Variants in GPC3 observed in about 807,000 individuals in gnomAD.
GPC3 encodes the protein glypican-3.
A neutral mutation model predicts 34.4 loss-of-function variants in GPC3; 3 were observed. The ratio of observed to expected loss-of-function variants is 0.09; its 90% CI spans 0.04 to 0.23. The LOEUF is 0.23. Among genes scored for constraint, GPC3 ranks in the 10% least tolerant of loss-of-function variants. The pLI is 1.00. For missense variants in GPC3, 351 were observed against 445.6 expected, an observed-to-expected ratio of 0.79 and a Z score of 1.91; for synonymous variants, 177 against 174.0, an observed-to-expected ratio of 1.02 and a Z score of -0.13.
chrX:133,934,267 C>G (rs995361755), intron 2 of GPC3, among the ~76,000 whole-genome samples: 3 of 108,914 alleles, frequency 2.8e-5, no homozygotes, highest in African/African-American at 1.0e-4. Context: ...GCAATCTTGG[C>G]TCACTGCAAC....
chrX:133,850,292 C>A (rs1221425915), intron 2 of GPC3, among the ~76,000 whole-genome samples: 2 of 106,201 alleles, frequency 1.9e-5, no homozygotes, highest in African/African-American at 3.5e-5. Flanking sequence ...TCAAACCCAG[C>A]AAATTCACAG....
chrX:133,620,219 C>CA (rs34399470), intron 6 of GPC3, among the ~76,000 whole-genome samples: 699 of 41,718 alleles, frequency 0.017, 9 homozygotes, highest in Non-Finnish European at 0.02. Context: ...GACTCTGTCT[C>CA]AAAAAAAAAA....
chrX:133,682,564 C>T (rs1282652161), intron 5 of GPC3, among the ~76,000 whole-genome samples: 1 of 111,988 alleles, frequency 8.9e-6, no homozygotes, highest in African/African-American at 3.2e-5. Context: ...ATCTTCACAA[C>T]AGCCCTGCAG....
intron 7 of GPC3, among the ~76,000 whole-genome samples, chrX:133,587,207 A>G (rs867829422): frequency 2.7e-5 from 3 of 112,069 alleles, no homozygotes; most frequent in Non-Finnish European, 5.6e-5. Context: ...GCTTATTTCA[A>G]TTAACACAAT....
At chrX:133,627,365 A>C (rs2070315894) in intron 6 of GPC3, among the ~76,000 whole-genome samples, 1 of 111,801 alleles carries the variant, frequency 8.9e-6, no homozygotes, top group South Asian at 3.8e-4. Context: ...TTAGGTTCAA[A>C]AGTCAAAAGT....
chrX:133,632,116 T>C (rs1422453970), intron 6 of GPC3, among the ~76,000 whole-genome samples: 1 of 110,100 alleles, frequency 9.1e-6, no homozygotes, highest in African/African-American at 3.4e-5. Context: ...AAAAATTTTT[T>C]TGAGACAGTG....
chrX:133,575,696 T>C (rs1399584317), intron 7 of GPC3, among the ~76,000 whole-genome samples: 1 of 111,578 alleles, frequency 9.0e-6, no homozygotes, highest in Non-Finnish European at 1.9e-5. Flanking sequence ...CAAATGATAG[T>C]CTAGGATATA....
intron 7 of GPC3, among the ~76,000 whole-genome samples, chrX:133,556,835 T>C (rs1270214104): frequency 9.6e-6 from 1 of 104,388 alleles, no homozygotes; most frequent in Non-Finnish European, 2.0e-5. Flanking sequence ...GACGAGTTAA[T>C]GGGTGCAGCA....
At chrX:133,800,929 A>C (rs915598281) in intron 2 of GPC3, among the ~76,000 whole-genome samples, 9 of 111,991 alleles carry the variant, frequency 8.0e-5, no homozygotes, top group African/African-American at 2.9e-4. Flanking sequence ...TCTTTTGTTC[A>C]AGCACATCTA....
intron 6 of GPC3, among the ~76,000 whole-genome samples, chrX:133,617,962 G>C (rs7052524): frequency 0.063 from 6,990 of 111,215 alleles, 573 homozygotes; most frequent in African/African-American, 0.22. Flanking sequence ...TGTGTGAACC[G>C]AAACATTTTG....
intron 2 of GPC3, among the ~76,000 whole-genome samples, chrX:133,797,829 CA>C (rs367816709): frequency 5.8e-5 from 6 of 103,548 alleles, no homozygotes; most frequent in South Asian, 4.2e-4. Context: ...GACTCTGCCT[CA>C]AAAAAAAAAT....
intron 2 of GPC3, among the ~76,000 whole-genome samples, chrX:133,951,979 TTCTA>T (rs2076394872): frequency 9.0e-6 from 1 of 111,508 alleles, no homozygotes; most frequent in Non-Finnish European, 1.9e-5. Context: ...AGTGTTATTT[TTCTA>T]TCTGACCTCG....
At chrX:133,750,836 G>A (rs1235560701) in intron 3 of GPC3, among the ~76,000 whole-genome samples, 1 of 110,220 alleles carries the variant, frequency 9.1e-6, no homozygotes, top group African/African-American at 3.3e-5. Flanking sequence ...CACTTTGGGC[G>A]GCCTAGGTGG....
intron 2 of GPC3, among the ~76,000 whole-genome samples, chrX:133,892,451 G>C (rs185839899): frequency 0.011 from 1,251 of 111,266 alleles, 23 homozygotes; most frequent in African/African-American, 0.039. Context: ...GCAAGTTACA[G>C]CCACAAGTCA....
chrX:133,774,985 A>G (rs1439631694), intron 2 of GPC3, among the ~76,000 whole-genome samples: 1 of 111,522 alleles, frequency 9.0e-6, no homozygotes, highest in Non-Finnish European at 1.9e-5. Context: ...CTGACAGCCC[A>G]TGGCTCCCAC....
rs775479552 is a variant in GPC3 at position 133,948,609 on chromosome X, C to A, written c.337+4441G>T. Among the ~76,000 whole-genome samples, 7 of 111,387 alleles carry A rather than the reference C, an allele frequency of 6.3e-5. No homozygotes were observed. The East Asian group carries it at 2.0e-3, about 31-fold the overall frequency. On this transcript the variant is annotated intron_variant, in intron 2 of 7. Transcript: ENST00000370818. The stretch of plus-strand genomic sequence containing the variant: ...GCAATTAAAATATGGCCTGAACCGA[C>A]AAACCTCTCCTGATCTAGCTGCTTA...
chrX:133,769,753 C>T (rs2071893407), intron 2 of GPC3, among the ~76,000 whole-genome samples: 1 of 111,854 alleles, frequency 8.9e-6, no homozygotes, highest in Admixed American at 9.5e-5. Flanking sequence ...AGCCTAAAAG[C>T]CTAGTGCAAA....
chrX:133,824,219 A>T (rs141732725), intron 2 of GPC3, among the ~76,000 whole-genome samples: 2,065 of 111,918 alleles, frequency 0.018, 44 homozygotes, highest in African/African-American at 0.063. Flanking sequence ...AGATCCAAAC[A>T]TATCAATAAT....
chrX:133,542,768 GGAA>G (rs2069352900), intron 7 of GPC3, among the ~76,000 whole-genome samples: 1 of 111,636 alleles, frequency 9.0e-6, no homozygotes, highest in Non-Finnish European at 1.9e-5. Context: ...TGAAGCTGGG[GGAA>G]ATCTCTGGAG....
Sources: gnomAD v4.1 joint callset for allele counts (sites outside exome capture counted in the v4.1 genomes callset) on GRCh38, gnomAD v4.1.1 for gene constraint, MANE v1.5 for transcripts, NCBI Gene and HGNC (gene_info 2026-07-23, HGNC 2026-07-21) for gene names.